Variants in NLRC4 observed in about 807,000 individuals in gnomAD.
NLRC4 encodes the protein NLR family CARD domain-containing protein 4.
In NLRC4, 63 loss-of-function variants were observed where a neutral mutation model predicts 79.9. The observed-to-expected ratio is 0.79, with a 90% confidence interval of 0.64 to 0.97. The LOEUF is 0.97. Among genes scored for constraint, NLRC4 ranks in the 50% least tolerant of loss-of-function variants. NLRC4 has a pLI of 0.00. For synonymous variants in NLRC4, 461 were observed against 456.5 expected (o/e 1.01, Z -0.12); for missense variants, 1,074 against 1,215.2 (o/e 0.88, Z 1.73).
intron 2 of NLRC4, among the ~76,000 whole-genome samples, 168 bp from the exon 3 acceptor site, chr2:32,252,847 T>A (rs899373612): frequency 3.0e-4 from 46 of 152,114 alleles, no homozygotes; most frequent in African/African-American, 1.1e-3. Flanking sequence ...TGAAACCCTG[T>A]CTCTACTAAA....
At position 32,243,879 on chromosome 2, in the gene NLRC4, A is replaced by T. The variant is rs188115457; in HGVS notation, c.2258-2754T>A. 2.0e-5 allele frequency among the ~76,000 whole-genome samples: 3 copies of T among 152,302 alleles called. No individual in the cohort carries two copies. In the East Asian group the frequency reaches 5.8e-4, roughly 29 times the overall value. ...CAGGATGCTCAATATGTGGAAATCA[A>T]TCCATATAATTCATTATATTGGCAG... On this transcript the variant is annotated intron_variant, in intron 4 of 8. Transcript: ENST00000402280.
rs2148942028 is a variant in NLRC4, at chr2:32,250,199, T to C, written c.1665A>G (p.Val555=). 6.2e-7 allele frequency: 1 copy of C among 1,614,240 alleles called. No homozygotes were observed. Among genetic ancestry groups the C allele is most frequent in the Non-Finnish European group, 8.5e-7 (1 of 1,180,034 alleles). The change falls in exon 4 of 9, where the codon GTA becomes GTG. Residue 555 remains valine, a synonymous_variant. Coordinates refer to ENST00000402280, the MANE Select transcript of NLRC4 (RefSeq NM_001199138.2). The surrounding 1 kb of genome is among the most constrained non-coding windows in gnomAD (Gnocchi z 4.9). The part of the protein sequence containing the change: ...ILKAININSF[V]ECGIHLYQES... ...CTTGATATAAATGGATGCCACACTC[T>C]ACAAAGGAATTGATGTTTATGGCTT...
In NLRC4 at chr2:32,227,564, T is replaced by C. The variant is rs570585107; in HGVS notation, c.2783-2799A>G. 6.6e-5 allele frequency among the ~76,000 whole-genome samples: 10 copies of C among 152,298 alleles called. No homozygotes were observed. In the East Asian group the frequency reaches 1.9e-3, roughly 29 times the overall value. ...CAAAGATCAACTTTTTTTCTCCTTC[T>C]CAGCTAGCAGAACATATTTTCACCA... On this transcript the variant is annotated intron_variant, in intron 8 of 8. Transcript: ENST00000402280.
At chr2:32,253,678 C>T (rs1687137687) in intron 2 of NLRC4, among the ~76,000 whole-genome samples, 1 of 151,694 alleles carries the variant, frequency 6.6e-6, no homozygotes, top group Non-Finnish European at 1.5e-5. Flanking sequence ...CAATTACGTG[C>T]TGCTGGCCGG....
At chr2:32,232,649 A>C (rs1304210766) in intron 8 of NLRC4, among the ~76,000 whole-genome samples, 1 of 152,202 alleles carries the variant, frequency 6.6e-6, no homozygotes, top group East Asian at 1.9e-4. Flanking sequence ...TGAGAATTTC[A>C]GCTATTAAAG....
intron 1 of NLRC4, among the ~76,000 whole-genome samples, chr2:32,258,170 C>T (rs1573503308): frequency 1.3e-5 from 2 of 152,256 alleles, no homozygotes; most frequent in Middle Eastern, 3.4e-3. Context: ...TCCAACCCTC[C>T]AGGCCAAACT....
chr2:32,249,037 A>T lies in NLRC4; in HGVS notation c.2257+570T>A, dbSNP rs549226115. 5.9e-5 allele frequency among the ~76,000 whole-genome samples: 9 copies of T among 152,312 alleles called. No homozygotes were observed. The East Asian group carries it at 1.7e-3, about 29-fold the overall frequency. On this transcript the variant is annotated intron_variant, in intron 4 of 8. Coordinates refer to ENST00000402280, the MANE Select transcript of NLRC4 (RefSeq NM_001199138.2). ...GACTGGTTCTGGCTGGTTTACAGAG[A>T]TTGCGTACCTGCTTACCTTTGTGCT...
intron 1 of NLRC4, among the ~76,000 whole-genome samples, chr2:32,260,213 C>CAAAAAAAAAAAAAAAAAAAAAAAA: frequency 1.3e-5 from 1 of 75,076 alleles, no homozygotes; most frequent in Non-Finnish European, 2.3e-5. Flanking sequence ...TGGGCAACGA[C>CAAAAAAAAAAAAAAAAAAAAAAAA]AAAAAAAAAA....
chr2:32,234,926 T>G (rs1390792217), intron 8 of NLRC4, among the ~76,000 whole-genome samples: 1 of 152,260 alleles, frequency 6.6e-6, no homozygotes, highest in Non-Finnish European at 1.5e-5. Flanking sequence ...AAGGCTTCTT[T>G]CATCAACTGC....
chr2:32,250,560 A>T lies in NLRC4; in HGVS notation c.1304T>A (p.Phe435Tyr), dbSNP rs1290542567. ...GLLCKYTAQRFKPKYKFFHKS... is the reference protein window; with the variant it reads ...GLLCKYTAQRYKPKYKFFHKS... ...GTGAAAGAATTTATACTTTGGCTTG[A>T]ACCTTTGAGCTGTATATTTACAGAG... Residue 435 changes from phenylalanine (F) to tyrosine (Y), a missense_variant, in exon 4 of 9, where the codon TTC (phenylalanine) becomes TAC (tyrosine). Physicochemically the swap from Phe to Tyr is conservative, Grantham distance 22. Transcript: ENST00000402280. This position sits in a 1 kb window ranked among gnomAD's most constrained non-coding sequence, Gnocchi z 4.9. 2 of 1,614,036 alleles carry T rather than the reference A, an allele frequency of 1.2e-6. No homozygotes were observed. The highest frequency in any genetic ancestry group is 1.7e-5 in the Admixed American group (1 of 59,990).
At chr2:32,230,298 T>G (rs992782183) in intron 8 of NLRC4, among the ~76,000 whole-genome samples, 1 of 152,156 alleles carries the variant, frequency 6.6e-6, no homozygotes, top group African/African-American at 2.4e-5. Flanking sequence ...CACAGTAAGA[T>G]TGCCAGGAAA....
intron 3 of NLRC4, 75 bp from the exon 4 acceptor site, chr2:32,251,676 C>T (rs749093475): frequency 3.7e-5 from 37 of 999,738 alleles, no homozygotes; most frequent in South Asian, 7.9e-5. Context: ...GGAGGATGAA[C>T]GGGGGGGTGA....
rs141599854 is a variant in NLRC4, at chr2:32,226,976, G to A, written c.2783-2211C>T. 9.3e-3 allele frequency among the ~76,000 whole-genome samples: 1,410 copies of A among 152,176 alleles called. 21 individuals are homozygous for A. Among genetic ancestry groups the A allele is most frequent in the African/African-American group, 0.033 (1,349 of 41,504 alleles). The stretch of plus-strand genomic sequence containing the variant: ...TAATAGAGTTTTATTTCGGCATATG[G>A]CCACTCATATCCCAACCTCCCTTGC... On this transcript the variant is annotated intron_variant, in intron 8 of 8. Coordinates refer to ENST00000402280, the MANE Select transcript of NLRC4 (RefSeq NM_001199138.2).
Position 32,250,709 on chromosome 2 carries a change from G to C in NLRC4, c.1155C>G (p.Asp385Glu), listed in dbSNP as rs1460801482. 3.1e-6 allele frequency: 5 copies of C among 1,614,198 alleles called. No individual in the cohort carries two copies. Among genetic ancestry groups the C allele is most frequent in the Admixed American group, 1.7e-5 (1 of 60,020 alleles). ...CACAGTGGTCCAGGCTCCGAATGAAGTCACTTGCAGCCACACCTTTATGTT... is the reference window on the plus strand; with the variant it reads ...CACAGTGGTCCAGGCTCCGAATGAACTCACTTGCAGCCACACCTTTATGTT... ...KHKHKGVAAS[D>E]FIRSLDHCGD... The change falls in exon 4 of 9, where the codon GAC becomes GAG. Residue 385 changes from aspartate (D) to glutamate (E), a missense_variant. By Grantham distance (45) the Asp-to-Glu change is conservative (BLOSUM62 2). Transcript: ENST00000402280. This position sits in a 1 kb window ranked among gnomAD's most constrained non-coding sequence, Gnocchi z 4.9.
intron 2 of NLRC4, 22 bp from the exon 3 acceptor site, chr2:32,252,701 T>C (rs759971295): frequency 2.5e-6 from 4 of 1,601,208 alleles, no homozygotes; most frequent in Non-Finnish European, 3.4e-6. Context: ...GGGAGAAATA[T>C]ACATATTTAT....
intron 4 of NLRC4, among the ~76,000 whole-genome samples, chr2:32,244,885 A>G (rs1040953272): frequency 6.6e-6 from 1 of 151,290 alleles, no homozygotes; most frequent in Non-Finnish European, 1.5e-5. Context: ...AGGGAGAGGA[A>G]GAAGGAGGAG....
Position 32,249,908 on chromosome 2 carries a change from G to T in NLRC4, c.1956C>A (p.Phe652Leu). 1 of 1,614,196 alleles carries T rather than the reference G, an allele frequency of 6.2e-7. No homozygotes were observed. The highest frequency in any genetic ancestry group is 1.1e-5 in the South Asian group (1 of 91,072). Residue 652 changes from phenylalanine (F) to leucine (L), a missense_variant, in exon 4 of 9, where the codon TTC (phenylalanine) becomes TTA (leucine). Phe to Leu is a conservative substitution (Grantham distance 22, BLOSUM62 0). Transcript: ENST00000402280. ...TCCTGAATTCCTGCTTCCAGTTGAA[G>T]AACAAAGATACAGCCCTGCTGGGAA... is the stretch of plus-strand genomic sequence containing the variant. ...TYIPSRAVSL[F>L]FNWKQEFRTL...
chr2:32,231,570 T>C (rs1686534965), intron 8 of NLRC4, among the ~76,000 whole-genome samples: 1 of 37,156 alleles, frequency 2.7e-5, no homozygotes, highest in East Asian at 5.2e-4. Context: ...TCTATTTTTT[T>C]TTGTGGGGGG....
At position 32,249,739 on chromosome 2, in the gene NLRC4, T is replaced by G; in HGVS notation, c.2125A>C (p.Ser709Arg). 6.2e-7 allele frequency: 1 copy of G among 1,614,256 alleles called. No individual in the cohort carries two copies. Residue 709 changes from serine to arginine, a missense_variant, in exon 4 of 9, where the codon AGC becomes CGC. Physicochemically the swap from Ser to Arg is moderately radical, Grantham distance 110. Coordinates refer to ENST00000402280, the MANE Select transcript of NLRC4 (RefSeq NM_001199138.2). Reference protein sequence around the residue: ...GVAGSLSLVLSTCKNIYSLMV... With the variant: ...GVAGSLSLVLRTCKNIYSLMV... ...AGAGAATAAATGTTCTTACAGGTGC[T>G]GAGGACCAAACTGAGGCTTCCAGCC...
Sources: allele counts gnomAD v4.1 joint callset (sites outside exome capture counted in the v4.1 genomes callset), GRCh38; gene constraint gnomAD v4.1.1; non-coding constraint Gnocchi (gnomAD v3.1); transcripts MANE v1.5; gene names NCBI Gene and HGNC (gene_info 2026-07-23, HGNC 2026-07-21).